Variants in SPTY2D1 observed in about 807,000 individuals in gnomAD.
SPTY2D1 encodes SPT2 chromatin protein domain containing 1, also known as protein SPT2 homolog.
Under a neutral mutation model 64.0 loss-of-function variants are expected in SPTY2D1, and 21 were observed. The observed-to-expected ratio is 0.33, with a 90% CI of 0.23 to 0.47. The LOEUF is 0.47. SPTY2D1 is among the 20% of genes least tolerant of loss of function. SPTY2D1 has a pLI of 1.00. For synonymous variants in SPTY2D1, 287 were observed against 286.8 expected (o/e 1.00, Z -0.01); for missense variants, 724 against 837.2 (o/e 0.86, Z 1.67).
rs1258397719 is a variant in SPTY2D1, at chr11:18,615,847, A to G, written c.427T>C (p.Tyr143His). The G allele has an allele frequency of 6.2e-7, 1 of 1,611,560 alleles. No homozygotes were observed. The highest frequency in any genetic ancestry group is 2.2e-5 in the East Asian group (1 of 44,744). Reference protein sequence around the residue: ...EYNHAESEQEYEEEQEPPKVE... With the variant: ...EYNHAESEQEHEEEQEPPKVE... ...TTGGGAGGTTCTTGCTCTTCCTCATACTCCTGCTCTGACTCTGCGTGATTG... is the reference window on the plus strand; with the variant it reads ...TTGGGAGGTTCTTGCTCTTCCTCATGCTCCTGCTCTGACTCTGCGTGATTG... The change falls in exon 3 of 6, where the codon TAT (tyrosine) becomes CAT (histidine). Residue 143 changes from tyrosine (Y) to histidine (H), a missense_variant. Tyr to His is a moderately conservative substitution (Grantham distance 83). This residue lies in a region of SPTY2D1 where 179 missense variants were observed against 232.5 expected (regional missense o/e 0.77). Coordinates refer to ENST00000336349, the MANE Select transcript of SPTY2D1 (RefSeq NM_194285.3).
At chr11:18,633,090 G>A (rs1403809852) in intron 1 of SPTY2D1, among the ~76,000 whole-genome samples, 1 of 151,942 alleles carries the variant, frequency 6.6e-6, no homozygotes, top group Non-Finnish European at 1.5e-5. Flanking sequence ...TTGGGATAAG[G>A]GATGGCTGTG....
chr11:18,621,500 A>G (rs1854404290), intron 1 of SPTY2D1, among the ~76,000 whole-genome samples: 1 of 152,304 alleles, frequency 6.6e-6, no homozygotes, highest in East Asian at 1.9e-4. Flanking sequence ...CAAAGTATAC[A>G]CCTATTCTCA....
At position 18,614,848 on chromosome 11, in the gene SPTY2D1, G is replaced by A. The variant is rs1327905383; in HGVS notation, c.1426C>T (p.Arg476Ter). 4 of 1,613,592 alleles carry A rather than the reference G, an allele frequency of 2.5e-6. No homozygotes were observed. The highest frequency in any genetic ancestry group is 1.7e-5 in the Admixed American group (1 of 60,008). ...GRPVSSPHEL[R>*]RPVSGLGPPG... ...GGGCCCAAGCCACTCACTGGTCGTC[G>A]AAGTTCATGTGGACTGCTCACAGGC... The change falls in exon 3 of 6, where the codon CGA (arginine) becomes TGA (stop). Residue 476 changes from arginine to a stop codon, truncating the protein, a stop_gained. Transcript: ENST00000336349. LOFTEE classifies it high-confidence loss of function.
Position 18,609,688 on chromosome 11 carries a change from A to C in SPTY2D1, c.*173T>G. ...TCTGCATTACAGATTTCACCCTGGA[A>C]AATATCTGAAAATATTTTATGCTCA... On this transcript the variant is annotated 3_prime_UTR_variant, in exon 6 of 6. Transcript: ENST00000336349. 1 of 619,534 alleles carries C rather than the reference A, an allele frequency of 1.6e-6. No homozygotes were observed. The highest frequency in any genetic ancestry group is 2.8e-6 in the Non-Finnish European group (1 of 354,196). The allele number at this position is 619,534 out of a possible 1,614,324, so 38.4% of individuals were successfully genotyped here. A position where few individuals can be genotyped will look rare whatever the true frequency, so the allele number is the denominator to read the frequency against.
intron 1 of SPTY2D1, among the ~76,000 whole-genome samples, chr11:18,618,449 T>C (rs1854336198): frequency 6.6e-6 from 1 of 152,148 alleles, no homozygotes; most frequent in Non-Finnish European, 1.5e-5. Context: ...AAAGGAAAAA[T>C]ATTTCCACTT....
intron 5 of SPTY2D1, among the ~76,000 whole-genome samples, chr11:18,611,083 C>G (rs185315760): frequency 6.6e-6 from 1 of 152,178 alleles, no homozygotes; most frequent in East Asian, 1.9e-4. Flanking sequence ...TTGCTTGAGC[C>G]CAGGACTTTG....
At chr11:18,621,345 G>GA in intron 1 of SPTY2D1, among the ~76,000 whole-genome samples, 1 of 149,900 alleles carries the variant, frequency 6.7e-6, no homozygotes, top group Non-Finnish European at 1.5e-5. Context: ...GAAAAGAAAA[G>GA]AAAAGAAAAG....
intron 3 of SPTY2D1, among the ~76,000 whole-genome samples, chr11:18,614,006 G>A (rs1442013451): frequency 5.3e-5 from 8 of 152,186 alleles, no homozygotes; most frequent in Non-Finnish European, 1.2e-4. Flanking sequence ...ACATATGTAA[G>A]TCACGTACAT....
At chr11:18,634,121 A>C (rs535572467) in intron 1 of SPTY2D1, 77 bp downstream of exon 1, 1 of 1,547,270 alleles carries the variant, frequency 6.5e-7, no homozygotes, top group East Asian at 2.2e-5. Flanking sequence ...GCGGCTGCCC[A>C]GAAGTTCCAT....
At chr11:18,622,646 C>T (rs1186165066) in intron 1 of SPTY2D1, among the ~76,000 whole-genome samples, 3 of 152,072 alleles carry the variant, frequency 2.0e-5, no homozygotes, top group African/African-American at 7.2e-5. Flanking sequence ...GATGCCACCA[C>T]CCTGTGCAGT....
Position 18,634,237 on chromosome 11 carries a change from G to C in SPTY2D1, c.21C>G (p.Leu7=). ...CACCTTGTCCCTTGGAAGCTATCAT[G>C]AGAATTTCTCTGAAGTCCATGTTGG... MDFREI[L]MIASKGQGVN... is the part of the protein sequence containing the mutation. The change falls in exon 1 of 6, where the codon CTC becomes CTG. Residue 7 remains leucine, a synonymous_variant. Coordinates refer to ENST00000336349, the MANE Select transcript of SPTY2D1 (RefSeq NM_194285.3). The C allele has an allele frequency of 9.9e-6, 16 of 1,614,192 alleles. No individual in the cohort carries two copies. The highest frequency in any genetic ancestry group is 1.4e-5 in the Non-Finnish European group (16 of 1,180,042).
intron 3 of SPTY2D1, among the ~76,000 whole-genome samples, chr11:18,613,038 A>G (rs1364853921): frequency 6.6e-6 from 1 of 152,180 alleles, no homozygotes; most frequent in Non-Finnish European, 1.5e-5. Flanking sequence ...TGCTGGGATT[A>G]CAGGCGGCGC....
intron 2 of SPTY2D1, among the ~76,000 whole-genome samples, chr11:18,616,422 T>C (rs1354818801): frequency 6.6e-6 from 1 of 152,244 alleles, no homozygotes; most frequent in Non-Finnish European, 1.5e-5. Context: ...TACTTAAACA[T>C]ATTGAATCAG....
chr11:18,613,834 T>C (rs573266329), intron 3 of SPTY2D1, among the ~76,000 whole-genome samples: 2 of 152,200 alleles, frequency 1.3e-5, no homozygotes, highest in South Asian at 4.1e-4. Flanking sequence ...ATACTAACCA[T>C]TATAACAAGC....
In SPTY2D1 at chr11:18,626,368, T is replaced by C. The variant is rs148485519; in HGVS notation, c.60+7830A>G. ...AATGATTTTGGTTCAGCCTTTACAT[T>C]TGTCTCCCATCAGACTCTACTGTAT... On this transcript the variant is annotated intron_variant, in intron 1 of 5. Transcript: ENST00000336349. Among the ~76,000 whole-genome samples the C allele has an allele frequency of 3.3e-3, 499 of 152,198 alleles. 3 individuals are homozygous for C. The highest frequency in any genetic ancestry group is 0.012 in the African/African-American group (486 of 41,502).
At chr11:18,613,517 A>G (rs2134109582) in intron 3 of SPTY2D1, among the ~76,000 whole-genome samples, 1 of 152,324 alleles carries the variant, frequency 6.6e-6, no homozygotes, top group Admixed American at 6.5e-5. Context: ...ATTGTTTGTC[A>G]GCAGCATCCC....
At chr11:18,629,509 A>T (rs1302244651) in intron 1 of SPTY2D1, among the ~76,000 whole-genome samples, 1 of 152,182 alleles carries the variant, frequency 6.6e-6, no homozygotes, top group African/African-American at 2.4e-5. Context: ...TCTCAAAAAA[A>T]AAATTATAGC....
intron 1 of SPTY2D1, among the ~76,000 whole-genome samples, chr11:18,629,426 C>T (rs992523085): frequency 6.6e-6 from 1 of 152,074 alleles, no homozygotes; most frequent in African/African-American, 2.4e-5. Flanking sequence ...ATCGCTTGAC[C>T]CCGGGTGGCA....
At chr11:18,628,532 A>G (rs1208562696) in intron 1 of SPTY2D1, among the ~76,000 whole-genome samples, 1 of 152,092 alleles carries the variant, frequency 6.6e-6, no homozygotes, top group African/African-American at 2.4e-5. Context: ...ATTACATTAT[A>G]TTCTATTTAG....
Sources: allele counts gnomAD v4.1 joint callset (sites outside exome capture counted in the v4.1 genomes callset), GRCh38; gene constraint gnomAD v4.1.1; regional missense constraint gnomAD v4.1.1; transcripts MANE v1.5; gene names NCBI Gene and HGNC (gene_info 2026-07-23, HGNC 2026-07-21).